Variants in TMEM138 observed in about 807,000 individuals in gnomAD.
TMEM138 encodes the protein transmembrane protein 138.
TMEM138 carries 9 observed loss-of-function variants against 18.1 expected under a neutral mutation model. That is an observed-to-expected ratio of 0.50 (90% confidence interval 0.30 to 0.87). The LOEUF is 0.87. TMEM138 is among the 40% of genes least tolerant of loss of function. The pLI is 0.06. For synonymous variants in TMEM138, 79 were observed against 74.8 expected, an observed-to-expected ratio of 1.06 and a Z score of -0.29; for missense variants, 189 against 190.6, an observed-to-expected ratio of 0.99 and a Z score of 0.05.
chr11:61,368,107 G>A (rs1389594076), intron 4 of TMEM138, 109 bp downstream of exon 4: 6 of 812,708 alleles, frequency 7.4e-6, no homozygotes, highest in African/African-American at 1.7e-5. Flanking sequence ...TGGGATGGTT[G>A]TGACAGCCAC....
rs1218396206 is a variant in TMEM138 at position 61,364,426 on chromosome 11, TC to T, written c.37del (p.Leu13CysfsTer72). ...QTSNYSLVLS[L>X]QFLLLSYDLF... is the part of the protein sequence containing the mutation. ...CCAGTAACTACAGCCTGGTGCTCTCTCTGCAGTTCCTGCTGCTGTCCTATGA... is the reference window on the plus strand; with the variant it reads ...CCAGTAACTACAGCCTGGTGCTCTCTTGCAGTTCCTGCTGCTGTCCTATGA... On this transcript the variant is annotated frameshift_variant, in exon 2 of 5. Transcript: ENST00000278826. LOFTEE classifies it high-confidence loss of function. 2 of 1,614,120 alleles carry T rather than the reference TC, an allele frequency of 1.2e-6. No individual in the cohort carries two copies. The highest frequency in any genetic ancestry group is 1.7e-6 in the Non-Finnish European group (2 of 1,180,028).
intron 1 of TMEM138, chr11:61,362,767 A>T (rs959940085): frequency 6.6e-6 from 1 of 152,226 alleles, no homozygotes; most frequent in Non-Finnish European, 1.5e-5. Context: ...CGTCACAGTT[A>T]TGAAGCCGGG....
intron 3 of TMEM138, chr11:61,367,278 A>C (rs890393646): frequency 1.3e-5 from 2 of 152,158 alleles, no homozygotes. Context: ...CTGCTTCACA[A>C]ATTCTTCCAG....
At position 61,366,075 on chromosome 11, in the gene TMEM138, C is replaced by T; in HGVS notation, c.159C>T (p.Ile53=). The T allele has an allele frequency of 6.2e-7, 1 of 1,613,830 alleles. No homozygotes were observed. Among genetic ancestry groups the T allele is most frequent in the Admixed American group, 1.7e-5 (1 of 59,926 alleles). ...AGGATATTGCAGTCCTCTTCAACATCATCATCATTTTCCTCATGTTCTTCA... is the reference window on the plus strand; with the variant it reads ...AGGATATTGCAGTCCTCTTCAACATTATCATCATTTTCCTCATGTTCTTCA... ...IIQDIAVLFN[I]IIIFLMFFNT... The change falls in exon 3 of 5, where the codon ATC becomes ATT. Residue 53 remains isoleucine, a synonymous_variant. Coordinates refer to ENST00000278826, the MANE Select transcript of TMEM138 (RefSeq NM_016464.5).
At chr11:61,367,741 T>C (rs994877286) in intron 3 of TMEM138, 182 bp from the exon 4 acceptor site, 5 of 625,190 alleles carry the variant, frequency 8.0e-6, no homozygotes, top group Middle Eastern at 4.6e-4. Flanking sequence ...AGTTAAAAGA[T>C]ATTCCCTTTG....
rs1374616218 is a variant in TMEM138 at position 61,364,474 on chromosome 11, A to G, written c.84A>G (p.Ser28=). 5.0e-6 allele frequency: 8 copies of G among 1,614,240 alleles called. No homozygotes were observed. Among genetic ancestry groups the G allele is most frequent in the Non-Finnish European group, 5.1e-6 (6 of 1,180,044 alleles). The change falls in exon 2 of 5, where the codon TCA becomes TCG. Residue 28 remains serine, a synonymous_variant. Coordinates refer to ENST00000278826, the MANE Select transcript of TMEM138 (RefSeq NM_016464.5). ...LSYDLFVNSF[S]ELLQKTPVIQ... ...ATGACCTCTTTGTCAATTCCTTCTC[A>G]GAACTGCTCCAAAAGACTCCTGTCA...
At chr11:61,365,333 T>C (rs1858104603) in intron 2 of TMEM138, among the ~76,000 whole-genome samples, 1 of 151,300 alleles carries the variant, frequency 6.6e-6, no homozygotes, top group African/African-American at 2.4e-5. Flanking sequence ...CAATCTCAGC[T>C]CACTGCAACC....
downstream of TMEM138, among the ~76,000 whole-genome samples, chr11:61,370,417 G>A (rs1858308957): frequency 6.6e-6 from 1 of 152,180 alleles, no homozygotes; most frequent in Non-Finnish European, 1.5e-5. Context: ...ATACAAAATG[G>A]CGATTTTCTT....
chr11:61,366,303 T>C, intron 3 of TMEM138, 87 bp downstream of exon 3: 1 of 1,438,040 alleles, frequency 7.0e-7, no homozygotes, highest in Non-Finnish European at 9.3e-7. Flanking sequence ...GGTCTCAAAC[T>C]CCTGAGCTCA....
Position 61,364,318 on chromosome 11 carries a change from A to AG in TMEM138, c.-70dup. ...AACTAGAAGCCTCTCCCTCAGTGGTAGGGAGACAGCCAGGAGCGGTTTTCT... is the reference window on the plus strand; with the variant it reads ...AACTAGAAGCCTCTCCCTCAGTGGTAGGGGAGACAGCCAGGAGCGGTTTTCT... On this transcript the variant is annotated 5_prime_UTR_variant, in exon 2 of 5. Coordinates refer to ENST00000278826, the MANE Select transcript of TMEM138 (RefSeq NM_016464.5). 1 of 1,576,476 alleles carries AG rather than the reference A, an allele frequency of 6.3e-7. No individual in the cohort carries two copies.
At chr11:61,367,725 C>T in intron 3 of TMEM138, 198 bp from the exon 4 acceptor site, 3 of 584,334 alleles carry the variant, frequency 5.1e-6, no homozygotes, top group South Asian at 2.1e-5. Context: ...ATACTTCCTC[C>T]CTCAAAGTTA....
At chr11:61,370,338 C>G (rs1858305980), downstream of TMEM138, among the ~76,000 whole-genome samples, 1 of 152,184 alleles carries the variant, frequency 6.6e-6, no homozygotes, top group South Asian at 2.1e-4. Flanking sequence ...TTTTGGACCT[C>G]CTAAGGCCAG....
At chr11:61,376,866 T>C (rs752115648), downstream of TMEM138, among the ~76,000 whole-genome samples, 2 of 152,158 alleles carry the variant, frequency 1.3e-5, no homozygotes, top group African/African-American at 2.4e-5. Context: ...AGAGATAAGA[T>C]AAAACATGAG....
chr11:61,374,564 T>C (rs773435091), downstream of TMEM138, among the ~76,000 whole-genome samples: 50 of 152,212 alleles, frequency 3.3e-4, no homozygotes, highest in Admixed American at 7.9e-4. Flanking sequence ...GTCAGTTTTG[T>C]CTTTGACTAT....
At chr11:61,370,044 C>A (rs968661762), downstream of TMEM138, among the ~76,000 whole-genome samples, 1 of 152,192 alleles carries the variant, frequency 6.6e-6, no homozygotes, top group Non-Finnish European at 1.5e-5. Context: ...TTCATTGGAG[C>A]TTATGCCTGG....
At position 61,364,296 on chromosome 11, in the gene TMEM138, T is replaced by C; in HGVS notation, c.-95T>C. On this transcript the variant is annotated 5_prime_UTR_variant, in exon 2 of 5. Coordinates refer to ENST00000278826, the MANE Select transcript of TMEM138 (RefSeq NM_016464.5). ...GGAAACAGCTCTCATTCAAAGGAAC[T>C]AGAAGCCTCTCCCTCAGTGGTAGGG... 6.8e-7 allele frequency: 1 copy of C among 1,479,996 alleles called. No homozygotes were observed. Among genetic ancestry groups the C allele is most frequent in the East Asian group, 2.3e-5 (1 of 43,948 alleles). 91.7% of individuals were successfully genotyped at this position (1,479,996 alleles called of 1,614,324 possible).
chr11:61,365,904 T>C, intron 2 of TMEM138, 141 bp from the exon 3 acceptor site: 1 of 1,066,576 alleles, frequency 9.4e-7, no homozygotes, highest in Non-Finnish European at 1.3e-6. Context: ...CCAAAACCCA[T>C]GTTATCTCTG....
chr11:61,363,539 C>T (rs1858021025), intron 1 of TMEM138: 1 of 152,232 alleles, frequency 6.6e-6, no homozygotes, highest in Non-Finnish European at 1.5e-5. Context: ...CCCAGAGCAA[C>T]TTGTGGGTCT....
intron 1 of TMEM138, 21 bp from the exon 2 acceptor site, chr11:61,364,231 C>T: frequency 1.3e-6 from 1 of 769,648 alleles, no homozygotes. Flanking sequence ...TCTAACCTTG[C>T]TTATCTTTTT....
Sources: allele counts gnomAD v4.1 joint callset (sites outside exome capture counted in the v4.1 genomes callset), GRCh38; gene constraint gnomAD v4.1.1; transcripts MANE v1.5; gene names NCBI Gene and HGNC (gene_info 2026-07-23, HGNC 2026-07-21).